Variants in RNF216 observed in about 807,000 individuals in gnomAD.
RNF216 encodes ring finger protein 216, also known as E3 ubiquitin-protein ligase RNF216.
RNF216 carries 72 observed loss-of-function variants against 110.8 expected under a neutral mutation model. That is an observed-to-expected ratio of 0.65 (90% CI 0.54 to 0.79). RNF216 has a LOEUF of 0.79. RNF216 is among the 30% of genes least tolerant of loss of function. The probability of loss-of-function intolerance (pLI) is 0.00; values close to 1 mark genes in which losing one functional copy is unlikely to be tolerated. For missense variants in RNF216, 1,342 were observed against 1,141.2 expected (o/e 1.18, Z -2.54); for synonymous variants, 495 against 407.5 (o/e 1.21, Z -2.59).
intron 15 of RNF216, among the ~76,000 whole-genome samples, 194 bp downstream of exon 15, chr7:5,640,960 G>A (rs1195417226): frequency 6.6e-6 from 1 of 152,172 alleles, no homozygotes; most frequent in African/African-American, 2.4e-5. Context: ...AAACTGTTAG[G>A]GCATGCTGCT....
chr7:5,780,815 T>G (rs2008425), intron 1 of RNF216, among the ~76,000 whole-genome samples: 149,090 of 152,328 alleles, frequency 0.98, 72,977 homozygotes, highest in Middle Eastern at 0.99. Flanking sequence ...CAGAGCCCTG[T>G]CGGATTTGTC....
chr7:5,734,608 C>CTTTCCTCACTGTGAGG (rs201100224), intron 5 of RNF216, among the ~76,000 whole-genome samples: 1 of 136,944 alleles, frequency 7.3e-6, no homozygotes, highest in Admixed American at 7.0e-5. Context: ...AAATGGCTTT[C>CTTTCCTCACTGTGAGG]AAGGTTAAAT....
At position 5,715,104 on chromosome 7, in the gene RNF216, G is replaced by A. The variant is rs1792959317; in HGVS notation, c.1782C>T (p.Cys594=). 5.0e-6 allele frequency: 8 copies of A among 1,613,774 alleles called. No homozygotes were observed. Among genetic ancestry groups the A allele is most frequent in the South Asian group, 2.2e-5 (2 of 91,088 alleles). Residue 594 remains cysteine (C), a synonymous_variant, in exon 11 of 17, where the codon TGC becomes TGT. Transcript: ENST00000389902. ...LTQCADAHLF[C]KECLIRYAQE... ...GGGCATATCTGATGAGACACTCTTT[G>A]CAGAACAAGTGAGCATCTGCGCACT...
chr7:5,735,068 C>T (rs1336555214), intron 5 of RNF216, among the ~76,000 whole-genome samples: 2 of 151,926 alleles, frequency 1.3e-5, no homozygotes. Context: ...ATCGCTCGAA[C>T]CCAGAAGACG....
chr7:5,703,682 T>A (rs900099329), intron 13 of RNF216, among the ~76,000 whole-genome samples: 3 of 152,210 alleles, frequency 2.0e-5, no homozygotes, highest in African/African-American at 7.2e-5. Context: ...GATGGGTGGT[T>A]ACACAACCAC....
chr7:5,700,163 C>G (rs1466086229), intron 13 of RNF216, among the ~76,000 whole-genome samples: 1 of 152,098 alleles, frequency 6.6e-6, no homozygotes, highest in African/African-American at 2.4e-5. Flanking sequence ...TCTCTTCTAC[C>G]TGGAAGGCTG....
At chr7:5,665,332 C>T (rs927052661) in intron 13 of RNF216, among the ~76,000 whole-genome samples, 2 of 152,142 alleles carry the variant, frequency 1.3e-5, no homozygotes, top group East Asian at 3.9e-4. Flanking sequence ...CACCTCACTC[C>T]CTAGTCCTGA....
chr7:5,647,331 T>TC (rs200050294), intron 14 of RNF216, among the ~76,000 whole-genome samples: 2 of 97,278 alleles, frequency 2.1e-5, no homozygotes, highest in African/African-American at 8.1e-5. Context: ...TTTCTTTCTT[T>TC]TTTTTTTTTT....
chr7:5,748,475 G>C (rs1232768589), intron 3 of RNF216, among the ~76,000 whole-genome samples: 3 of 152,142 alleles, frequency 2.0e-5, no homozygotes, highest in African/African-American at 7.2e-5. Context: ...GGCCAGACTG[G>C]TCTTGAACTC....
At chr7:5,765,295 A>G (rs963754077) in intron 1 of RNF216, among the ~76,000 whole-genome samples, 4 of 150,566 alleles carry the variant, frequency 2.7e-5, no homozygotes, top group African/African-American at 7.3e-5. Flanking sequence ...GACTATCTAT[A>G]CTGAAAATAC....
At chr7:5,711,731 A>G in intron 13 of RNF216, 30 bp downstream of exon 13, 1 of 1,583,586 alleles carries the variant, frequency 6.3e-7, no homozygotes. Flanking sequence ...ATAATTCAAT[A>G]TACATCTAGA....
chr7:5,658,068 T>G (rs970938264), intron 13 of RNF216, among the ~76,000 whole-genome samples: 1 of 152,216 alleles, frequency 6.6e-6, no homozygotes, highest in Non-Finnish European at 1.5e-5. Flanking sequence ...CAGGGGAGCA[T>G]GCATGTGCAT....
chr7:5,749,443 G>T (rs1249801458), intron 3 of RNF216, among the ~76,000 whole-genome samples: 1 of 152,132 alleles, frequency 6.6e-6, no homozygotes, highest in Non-Finnish European at 1.5e-5. Flanking sequence ...GAGCCACCAC[G>T]TCGGGCCTAT....
At chr7:5,691,494 G>A (rs1351459785) in intron 13 of RNF216, among the ~76,000 whole-genome samples, 1 of 152,116 alleles carries the variant, frequency 6.6e-6, no homozygotes, top group Admixed American at 6.5e-5. Flanking sequence ...TATGGTGGGG[G>A]TGGGGAAGGC....
At chr7:5,739,714 T>C in intron 4 of RNF216, 5 of 443,896 alleles carry the variant, frequency 1.1e-5, no homozygotes, top group South Asian at 8.0e-5. Context: ...TAAAAACACC[T>C]GGGTGGCCGG....
intron 13 of RNF216, among the ~76,000 whole-genome samples, chr7:5,693,394 G>A (rs967352649): frequency 6.6e-6 from 1 of 152,128 alleles, no homozygotes; most frequent in Non-Finnish European, 1.5e-5. Context: ...CTGACCCCCC[G>A]GTATGGACCT....
chr7:5,663,614 C>G (rs1354842489), intron 13 of RNF216, among the ~76,000 whole-genome samples: 3 of 142,434 alleles, frequency 2.1e-5, no homozygotes, highest in African/African-American at 7.8e-5. Context: ...AAAAAGTTCA[C>G]TTGAGGCCGG....
chr7:5,773,371 T>C (rs751051162), intron 1 of RNF216, among the ~76,000 whole-genome samples: 1 of 149,894 alleles, frequency 6.7e-6, no homozygotes, highest in African/African-American at 2.5e-5. Flanking sequence ...ACCTCCAGAA[T>C]AGCTGGGATT....
At chr7:5,644,424 A>G (rs78299955) in intron 14 of RNF216, among the ~76,000 whole-genome samples, 6,389 of 152,224 alleles carry the variant, frequency 0.042, 178 homozygotes, top group East Asian at 0.092. Flanking sequence ...TATTTCTGTA[A>G]TGACTAATGA....
Sources: gnomAD v4.1 joint callset for allele counts (sites outside exome capture counted in the v4.1 genomes callset) on GRCh38, gnomAD v4.1.1 for gene constraint, MANE v1.5 for transcripts, NCBI Gene and HGNC (gene_info 2026-07-23, HGNC 2026-07-21) for gene names.